Variants in MGA observed in about 807,000 individuals in gnomAD.
The protein encoded by MGA is MAX gene-associated protein.
A neutral mutation model predicts 261.1 loss-of-function variants in MGA; 40 were observed. The observed-to-expected ratio is 0.15, with a 90% CI of 0.12 to 0.20. The LOEUF (loss-of-function observed/expected upper bound fraction) is 0.20. Among genes scored for constraint, MGA ranks in the 10% least tolerant of loss-of-function variants. The pLI, the probability that MGA is intolerant of heterozygous loss-of-function variation, is 1.00. For missense variants in MGA, 3,397 were observed against 3,630.5 expected, an observed-to-expected ratio of 0.94 and a Z score of 1.65; for synonymous variants, 1,302 against 1,290.6, an observed-to-expected ratio of 1.01 and a Z score of -0.19.
chr15:41,750,940 G>C, intron 17 of MGA: 1 of 193,152 alleles, frequency 5.2e-6, no homozygotes, highest in Non-Finnish European at 1.1e-5. Context: ...TTTCTATGAC[G>C]TTTTCTATGT....
intron 11 of MGA, among the ~76,000 whole-genome samples, chr15:41,731,281 C>A (rs1178405172): frequency 6.6e-6 from 1 of 151,876 alleles, no homozygotes; most frequent in Non-Finnish European, 1.5e-5. Flanking sequence ...AACTTTGTTA[C>A]CTATATTAAA....
Position 41,734,534 on chromosome 15 carries a change from G to A in MGA, c.3856G>A (p.Glu1286Lys), listed in dbSNP as rs2061674391. 1 of 1,608,524 alleles carries A rather than the reference G, an allele frequency of 6.2e-7. No individual in the cohort carries two copies. Among genetic ancestry groups the A allele is most frequent in the Non-Finnish European group, 8.5e-7 (1 of 1,177,012 alleles). ...CTGTCTCCTTCAGGAACCTGATTCTGAACAGCAGCCCTTAAAACAACTCAC... is the reference window on the plus strand; with the variant it reads ...CTGTCTCCTTCAGGAACCTGATTCTAAACAGCAGCCCTTAAAACAACTCAC... The change falls in exon 12 of 24, where the codon GAA becomes AAA. Residue 1286 changes from glutamate to lysine, a missense_variant. Physicochemically the swap from Glu to Lys is moderately conservative, Grantham distance 56. This residue lies in a region of MGA where 1,410 missense variants were observed against 1,386.4 expected (regional missense o/e 1.02). Coordinates refer to ENST00000219905, the MANE Select transcript of MGA (RefSeq NM_001164273.2).
chr15:41,661,300 G>T (rs555127791), intron 1 of MGA, among the ~76,000 whole-genome samples: 22 of 152,102 alleles, frequency 1.4e-4, no homozygotes, highest in African/African-American at 5.1e-4. Context: ...GTAGGTCTCT[G>T]CCCTCAGTGC....
chr15:41,744,056 T>C (rs2062280320), intron 15 of MGA, among the ~76,000 whole-genome samples: 1 of 152,210 alleles, frequency 6.6e-6, no homozygotes, highest in African/African-American at 2.4e-5. Context: ...TGGTTATTGA[T>C]GTTTTCTCTT....
chr15:41,743,824 T>C (rs1282950518), intron 15 of MGA, among the ~76,000 whole-genome samples: 2 of 152,248 alleles, frequency 1.3e-5, no homozygotes, highest in African/African-American at 4.8e-5. Context: ...TTTAGGGCTC[T>C]AATATTTTTA....
At chr15:41,663,047 T>C (rs2057511563) in intron 1 of MGA, among the ~76,000 whole-genome samples, 1 of 152,196 alleles carries the variant, frequency 6.6e-6, no homozygotes, top group Admixed American at 6.5e-5. Flanking sequence ...GTAAAACTAG[T>C]GTATTTTGTG....
Position 41,767,509 on chromosome 15 carries a change from A to G in MGA, c.*229A>G. 1 of 555,702 alleles carries G rather than the reference A, an allele frequency of 1.8e-6. No homozygotes were observed. The allele number at this position is 555,702 out of a possible 1,614,324, so 34.4% of individuals were successfully genotyped here. A position where few individuals can be genotyped will look rare whatever the true frequency, so the allele number is the denominator to read the frequency against. ...CTCACTTGTGGTGCTGGGTCCCCTC[A>G]TCCTCTCTAAGAAGATGTGATCCAT... On this transcript the variant is annotated 3_prime_UTR_variant, in exon 24 of 24. Coordinates refer to ENST00000219905, the MANE Select transcript of MGA (RefSeq NM_001164273.2).
chr15:41,765,850 G>T (rs918014823), intron 23 of MGA, among the ~76,000 whole-genome samples, 154 bp from the exon 24 acceptor site: 7 of 152,168 alleles, frequency 4.6e-5, no homozygotes, highest in African/African-American at 1.7e-4. Flanking sequence ...TCAATAATTT[G>T]AAGAACTGAT....
intron 1 of MGA, among the ~76,000 whole-genome samples, chr15:41,626,443 A>G (rs2056455611): frequency 1.3e-5 from 2 of 151,884 alleles, no homozygotes; most frequent in Non-Finnish European, 1.5e-5. Context: ...ATTTTTTTAG[A>G]CGGAGTTTTA....
chr15:41,677,441 A>G (rs550706708), intron 2 of MGA, among the ~76,000 whole-genome samples: 6 of 152,342 alleles, frequency 3.9e-5, no homozygotes, highest in East Asian at 1.9e-4. Flanking sequence ...CACCTGGCCA[A>G]TGAATTCTTT....
intron 22 of MGA, 98 bp downstream of exon 22, chr15:41,762,460 GGTTTTTTTTTTTTT>G (rs1398759723): frequency 3.7e-5 from 7 of 190,528 alleles, no homozygotes; most frequent in African/African-American, 1.7e-4. Flanking sequence ...AGTTTTGTGT[GGTTTTTTTTTTTTT>G]TTTTTTTTTT....
chr15:41,661,492 G>A (rs891652130), intron 1 of MGA, among the ~76,000 whole-genome samples: 1 of 152,142 alleles, frequency 6.6e-6, no homozygotes, highest in East Asian at 1.9e-4. Context: ...CGAACCCTGG[G>A]AATGCCTTCT....
rs199978980 is a variant in MGA, at chr15:41,711,416, A to G, written c.3084+67A>G. On this transcript the variant is annotated intron_variant, in intron 8 of 23. Transcript: ENST00000219905. The stretch of plus-strand genomic sequence containing the variant: ...TAGAAAGAGCGAGGTTAGTGAGGGG[A>G]AATGGGAATGGTACTTTTTGGCAGG... The G allele has an allele frequency of 9.2e-5, 134 of 1,455,966 alleles. 1 individual carries two copies. The East Asian group carries it at 3.1e-3, about 33-fold the overall frequency. 90.2% of individuals were successfully genotyped at this position (1,455,966 alleles called of 1,614,324 possible).
At chr15:41,702,136 G>A (rs2059886748) in intron 5 of MGA, among the ~76,000 whole-genome samples, 1 of 152,006 alleles carries the variant, frequency 6.6e-6, no homozygotes, top group South Asian at 2.1e-4. Context: ...CCTGGCCAAC[G>A]TGGCGAAACT....
chr15:41,761,211 A>G (rs1178769242), intron 20 of MGA, among the ~76,000 whole-genome samples: 1 of 152,278 alleles, frequency 6.6e-6, no homozygotes, highest in East Asian at 1.9e-4. Flanking sequence ...AAAGCACAGC[A>G]TAAGTGATAT....
chr15:41,668,884 C>G lies in MGA; in HGVS notation c.-11C>G, dbSNP rs898499041. ...TACAGTTGTCTTACTACTGAGTTTC[C>G]TACTGAAATCATGGAGGAGAAACAG... On this transcript the variant is annotated 5_prime_UTR_variant, in exon 2 of 24. Transcript: ENST00000219905. 1 of 1,536,310 alleles carries G rather than the reference C, an allele frequency of 6.5e-7. No individual in the cohort carries two copies. Among genetic ancestry groups the G allele is most frequent in the Non-Finnish European group, 8.8e-7 (1 of 1,135,094 alleles).
Position 41,740,167 on chromosome 15 carries a change from A to T in MGA, c.4549A>T (p.Asn1517Tyr). ...CACTGCAACAAATCGCCCTGGGAAG[A>T]ATCTGAAGGCGTTTGTCCCAGCAAA... is the stretch of plus-strand genomic sequence containing the variant. Residue 1517 changes from asparagine (N) to tyrosine (Y), a missense_variant, in exon 14 of 24, where the codon AAT becomes TAT. Asn to Tyr is a moderately radical substitution (Grantham distance 143). This residue lies in a region of MGA where 1,410 missense variants were observed against 1,386.4 expected (regional missense o/e 1.02). Coordinates refer to ENST00000219905, the MANE Select transcript of MGA (RefSeq NM_001164273.2). The T allele has an allele frequency of 6.2e-7, 1 of 1,613,996 alleles. No individual in the cohort carries two copies. Among genetic ancestry groups the T allele is most frequent in the Non-Finnish European group, 8.5e-7 (1 of 1,179,872 alleles).
chr15:41,756,061 GTTTAAA>G (rs765190484), intron 18 of MGA, among the ~76,000 whole-genome samples: 8 of 151,990 alleles, frequency 5.3e-5, no homozygotes, highest in Non-Finnish European at 1.0e-4. Context: ...TAAATTAATT[GTTTAAA>G]TTTAATTAAA....
chr15:41,626,216 G>A (rs1028793844), intron 1 of MGA, among the ~76,000 whole-genome samples: 14 of 151,862 alleles, frequency 9.2e-5, no homozygotes, highest in African/African-American at 2.9e-4. Context: ...AATATCAAAC[G>A]TAAGCTAATG....
Sources: allele counts gnomAD v4.1 joint callset (sites outside exome capture counted in the v4.1 genomes callset), GRCh38; gene constraint gnomAD v4.1.1; regional missense constraint gnomAD v4.1.1; transcripts MANE v1.5; gene names NCBI Gene and HGNC (gene_info 2026-07-23, HGNC 2026-07-21).